The following LARS2 variants were observed in gnomAD, a reference collection of about 807,000 sequenced individuals.
LARS2 encodes the protein leucyl-tRNA synthetase 2, mitochondrial, also known as leucine--tRNA ligase, mitochondrial.
Under a neutral mutation model 116.6 loss-of-function variants are expected in LARS2, and 81 were observed. That is an observed-to-expected ratio of 0.69 (90% CI 0.58 to 0.84). The LOEUF (loss-of-function observed/expected upper bound fraction) is 0.84. Ranked by LOEUF, LARS2 falls within the 40% of genes least tolerant of loss-of-function variation. The pLI is 0.00. For synonymous variants in LARS2, 396 were observed against 407.2 expected (o/e 0.97, Z 0.33); for missense variants, 968 against 1,114.5 (o/e 0.87, Z 1.87).
rs1311183578 is a variant in LARS2 at position 45,392,007 on chromosome 3, CATCT to C, written c.-22+362_-22+365del. 2.6e-5 allele frequency among the ~76,000 whole-genome samples: 4 copies of C among 152,316 alleles called. No individual in the cohort carries two copies. The East Asian group carries it at 7.7e-4, about 29-fold the overall frequency. ...GTCTAGGAGAGAAGTGGCAAGCATC[CATCT>C]ATGTGTCCTCTGCTAAACAGGCGTT... is the stretch of plus-strand genomic sequence containing the variant. On this transcript the variant is annotated intron_variant, in intron 2 of 21. Transcript: ENST00000645846.
chr3:45,402,723 T>C (rs1401592465), intron 4 of LARS2, among the ~76,000 whole-genome samples: 1 of 152,226 alleles, frequency 6.6e-6, no homozygotes. Context: ...CACTTTAAGA[T>C]GGCTGAGGGT....
chr3:45,463,749 T>C (rs1455586231), intron 8 of LARS2, among the ~76,000 whole-genome samples: 1 of 152,044 alleles, frequency 6.6e-6, no homozygotes, highest in Non-Finnish European at 1.5e-5. Flanking sequence ...ACAGAGCAGC[T>C]GAGGTCTCTG....
chr3:45,520,200 A>G lies in LARS2; in HGVS notation c.2215-19A>G. Reference sequence around the variant, plus strand: ...AAAAGAATTTTGAAATAAGTAAATAATTGAACCTTTACTAATAGGTGACCA... The same window carrying G: ...AAAAGAATTTTGAAATAAGTAAATAGTTGAACCTTTACTAATAGGTGACCA... On this transcript the variant is annotated intron_variant, in intron 18 of 21. Transcript: ENST00000645846. 6.4e-7 allele frequency: 1 copy of G among 1,561,822 alleles called. No homozygotes were observed. Among genetic ancestry groups the G allele is most frequent in the Non-Finnish European group, 8.8e-7 (1 of 1,132,902 alleles).
chr3:45,414,514 A>G (rs150340963), intron 4 of LARS2, among the ~76,000 whole-genome samples: 9 of 152,238 alleles, frequency 5.9e-5, no homozygotes, highest in African/African-American at 2.2e-4. Context: ...GCCTCTCAGT[A>G]TTCGTCATTA....
At chr3:45,402,197 A>G (rs778452377) in intron 4 of LARS2, among the ~76,000 whole-genome samples, 35 of 152,200 alleles carry the variant, frequency 2.3e-4, no homozygotes, top group Admixed American at 5.2e-4. Flanking sequence ...GGCCTGTTAA[A>G]AGGATTCAAA....
chr3:45,533,341 G>A (rs147924072), intron 20 of LARS2, among the ~76,000 whole-genome samples: 5 of 151,572 alleles, frequency 3.3e-5, no homozygotes, highest in African/African-American at 7.3e-5. Context: ...TAGTAGAGAC[G>A]GGGTTTCACC....
intron 21 of LARS2, among the ~76,000 whole-genome samples, chr3:45,545,579 CAG>C (rs1700863447): frequency 6.6e-6 from 1 of 152,168 alleles, no homozygotes; most frequent in Non-Finnish European, 1.5e-5. Context: ...TAAGGCAACT[CAG>C]GGGAGGCCTG....
chr3:45,441,555 G>C (rs1428225475), intron 6 of LARS2, among the ~76,000 whole-genome samples: 3 of 152,204 alleles, frequency 2.0e-5, no homozygotes, highest in African/African-American at 4.8e-5. Flanking sequence ...TACTCTCCCA[G>C]GCTCTTTCCT....
At chr3:45,440,123 C>T (rs17638604) in intron 6 of LARS2, among the ~76,000 whole-genome samples, 2,439 of 152,242 alleles carry the variant, frequency 0.016, 44 homozygotes, top group Non-Finnish European at 0.022. Flanking sequence ...CTTCCAACGC[C>T]GCAGGTGTAC....
In LARS2 at chr3:45,548,658, A is replaced by G. The variant is rs1700908211; in HGVS notation, c.*1128A>G. ...TAAGTGTTCCCACTAGAACTGACCT[A>G]AGCCACTGATTAATATTTAATGAGG... On this transcript the variant is annotated 3_prime_UTR_variant, in exon 22 of 22. Coordinates refer to ENST00000645846, the MANE Select transcript of LARS2 (RefSeq NM_015340.4). 1 of 152,232 alleles carries G rather than the reference A, an allele frequency of 6.6e-6. No homozygotes were observed. The highest frequency in any genetic ancestry group is 6.5e-5 in the Admixed American group (1 of 15,288). The allele number at this position is 152,232 out of a possible 1,614,324, so 9.4% of individuals were successfully genotyped here. A position where few individuals can be genotyped will look rare whatever the true frequency, so the allele number is the denominator to read the frequency against.
chr3:45,522,240 A>G (rs1224478124), intron 19 of LARS2, among the ~76,000 whole-genome samples: 1 of 152,200 alleles, frequency 6.6e-6, no homozygotes, highest in Non-Finnish European at 1.5e-5. Context: ...TGATTGTGTT[A>G]TATCCTCTGA....
intron 7 of LARS2, among the ~76,000 whole-genome samples, chr3:45,453,428 A>G (rs9869611): frequency 7.0e-4 from 106 of 152,240 alleles, no homozygotes; most frequent in African/African-American, 2.5e-3. Context: ...CCCCTAATTT[A>G]TGAGTCTGTC....
In LARS2 at chr3:45,400,270, T is replaced by C. The variant is rs1447080953; in HGVS notation, c.260T>C (p.Leu87Pro). 3 of 1,612,736 alleles carry C rather than the reference T, an allele frequency of 1.9e-6. No homozygotes were observed. The highest frequency in any genetic ancestry group is 2.5e-6 in the Non-Finnish European group (3 of 1,179,604). The change falls in exon 4 of 22, where the codon CTT (leucine) becomes CCT (proline). Residue 87 changes from leucine to proline, a missense_variant. Transcript: ENST00000645846. ...AAATCGAAGCCAAAATTTTACGTGC[T>C]TTCCATGTTCCCTTATCCTTCTGGT... ...ADKSKPKFYV[L>P]SMFPYPSGKL... is the part of the protein sequence containing the mutation.
intron 20 of LARS2, among the ~76,000 whole-genome samples, chr3:45,531,498 C>G (rs1700614128): frequency 6.6e-6 from 1 of 152,056 alleles, no homozygotes; most frequent in Non-Finnish European, 1.5e-5. Context: ...GTGCCTCAGC[C>G]TCCCAAGTAG....
At position 45,547,664 on chromosome 3, in the gene LARS2, A is replaced by T. The variant is rs1418061266; in HGVS notation, c.*134A>T. 6 of 791,586 alleles carry T rather than the reference A, an allele frequency of 7.6e-6. No homozygotes were observed. Among genetic ancestry groups the T allele is most frequent in the Non-Finnish European group, 1.2e-5 (6 of 500,872 alleles). The allele number at this position is 791,586 out of a possible 1,614,324, so 49.0% of individuals were successfully genotyped here. On this transcript the variant is annotated 3_prime_UTR_variant, in exon 22 of 22. Transcript: ENST00000645846. Reference sequence around the variant, plus strand: ...TGACTGTTGACCTCGGTCCTGTGGCAGACTGCAGTCAACAGTGTGCCTCTG... The same window carrying T: ...TGACTGTTGACCTCGGTCCTGTGGCTGACTGCAGTCAACAGTGTGCCTCTG...
intron 10 of LARS2, among the ~76,000 whole-genome samples, chr3:45,480,162 T>G (rs1319503602): frequency 6.6e-6 from 1 of 152,132 alleles, no homozygotes; most frequent in African/African-American, 2.4e-5. Flanking sequence ...TGATGTTATG[T>G]GAAGGGAAAA....
intron 16 of LARS2, among the ~76,000 whole-genome samples, chr3:45,515,789 T>C (rs1163192214): frequency 6.6e-6 from 1 of 152,232 alleles, no homozygotes. Flanking sequence ...TCCTTTTTTG[T>C]GTATAAATAA....
intron 15 of LARS2, among the ~76,000 whole-genome samples, chr3:45,510,344 A>G (rs1165056289): frequency 1.3e-5 from 2 of 151,874 alleles, no homozygotes; most frequent in African/African-American, 2.4e-5. Flanking sequence ...AGCCCAGGAG[A>G]CTGAGGCTGC....
At chr3:45,407,136 G>A (rs1445384120) in intron 4 of LARS2, among the ~76,000 whole-genome samples, 1 of 152,130 alleles carries the variant, frequency 6.6e-6, no homozygotes, top group Non-Finnish European at 1.5e-5. Context: ...CACTGCGGAG[G>A]AGGAAGAAAA....
Sources: allele counts gnomAD v4.1 joint callset (sites outside exome capture counted in the v4.1 genomes callset), GRCh38; gene constraint gnomAD v4.1.1; transcripts MANE v1.5; gene names NCBI Gene and HGNC (gene_info 2026-07-23, HGNC 2026-07-21).